CTNNA2: variants seen among roughly 807,000 people sequenced by gnomAD.
CTNNA2 encodes catenin alpha-2.
In CTNNA2, 42 loss-of-function variants were observed where a neutral mutation model predicts 101.0. The ratio of observed to expected loss-of-function variants is 0.42; its 90% CI spans 0.32 to 0.54. The LOEUF is 0.54. Ranked by LOEUF, CTNNA2 falls within the 20% of genes least tolerant of loss-of-function variation. CTNNA2 has a pLI of 0.14. For synonymous variants in CTNNA2, 450 were observed against 456.4 expected, an observed-to-expected ratio of 0.99 and a Z score of 0.18; for missense variants, 871 against 1,223.1, an observed-to-expected ratio of 0.71 and a Z score of 4.29.
chr2:79,786,582 C>T (rs574954785), intron 3 of CTNNA2, among the ~76,000 whole-genome samples: 2 of 151,954 alleles, frequency 1.3e-5, no homozygotes, highest in African/African-American at 4.8e-5. Flanking sequence ...TTAATTATAA[C>T]GATAGTAGAC....
At chr2:79,575,304 T>C (rs577923440) in intron 1 of CTNNA2, 1 of 152,306 alleles carries the variant, frequency 6.6e-6, no homozygotes, top group East Asian at 1.9e-4. Context: ...AGCAGAAAGA[T>C]GTTATAAACA....
chr2:79,214,373 G>A (rs954962795), intron 2 of CTNNA2, among the ~76,000 whole-genome samples: 1 of 152,070 alleles, frequency 6.6e-6, no homozygotes, highest in South Asian at 2.1e-4. Context: ...AGGTATTGAG[G>A]ATATGAGAGT....
At chr2:80,021,692 A>G (rs1324871850) in intron 7 of CTNNA2, among the ~76,000 whole-genome samples, 2 of 151,964 alleles carry the variant, frequency 1.3e-5, no homozygotes, top group African/African-American at 4.9e-5. Context: ...TAATGAACAT[A>G]TGCATTGCCT....
At chr2:79,415,187 A>T (rs992100033) in intron 4 of CTNNA2, among the ~76,000 whole-genome samples, 1 of 152,064 alleles carries the variant, frequency 6.6e-6, no homozygotes, top group Non-Finnish European at 1.5e-5. Context: ...GTTATGAGTG[A>T]GTTCTCTCTG....
At chr2:80,237,111 G>T (rs1400041734) in intron 7 of CTNNA2, among the ~76,000 whole-genome samples, 1 of 152,090 alleles carries the variant, frequency 6.6e-6, no homozygotes, top group Non-Finnish European at 1.5e-5. Context: ...CCTTAGATCA[G>T]AAAACACAGC....
chr2:79,479,832 A>C (rs1671089651), intron 4 of CTNNA2, among the ~76,000 whole-genome samples: 1 of 152,104 alleles, frequency 6.6e-6, no homozygotes, highest in African/African-American at 2.4e-5. Flanking sequence ...CTGAGGCAGG[A>C]GAATCGCTTG....
At chr2:79,206,941 GTT>G (rs1001559791) in intron 2 of CTNNA2, among the ~76,000 whole-genome samples, 1 of 152,140 alleles carries the variant, frequency 6.6e-6, no homozygotes, top group Non-Finnish European at 1.5e-5. Flanking sequence ...GCTGAGTTGT[GTT>G]TTCTCTTCTT....
intron 7 of CTNNA2, among the ~76,000 whole-genome samples, chr2:80,134,830 T>C (rs1702604321): frequency 6.6e-6 from 1 of 152,214 alleles, no homozygotes; most frequent in Non-Finnish European, 1.5e-5. Context: ...GATTTTCCAT[T>C]TGCACAATTT....
chr2:79,304,750 T>C (rs1240837094), intron 2 of CTNNA2, among the ~76,000 whole-genome samples: 1 of 152,132 alleles, frequency 6.6e-6, no homozygotes, highest in Non-Finnish European at 1.5e-5. Flanking sequence ...GGAGTAAACT[T>C]TGGGTAACCA....
chr2:79,754,154 A>C (rs1025933633), intron 3 of CTNNA2, among the ~76,000 whole-genome samples: 2 of 152,162 alleles, frequency 1.3e-5, no homozygotes, highest in Non-Finnish European at 2.9e-5. Context: ...GGCCTCAGCC[A>C]CTGTGCCTGG....
intron 2 of CTNNA2, among the ~76,000 whole-genome samples, chr2:79,236,958 T>G (rs1674565181): frequency 1.3e-5 from 2 of 152,304 alleles, no homozygotes; most frequent in Admixed American, 1.3e-4. Context: ...TCTTTCAAAT[T>G]CCTATGAATG....
At chr2:80,072,032 A>G (rs897571779) in intron 7 of CTNNA2, among the ~76,000 whole-genome samples, 2 of 152,214 alleles carry the variant, frequency 1.3e-5, no homozygotes, top group African/African-American at 4.8e-5. Context: ...GACCCTTTTC[A>G]GAGTCATGCA....
chr2:80,245,522 A>G (rs921268231), intron 7 of CTNNA2, among the ~76,000 whole-genome samples: 4 of 152,162 alleles, frequency 2.6e-5, no homozygotes, highest in Non-Finnish European at 4.4e-5. Flanking sequence ...TCCCACAGAT[A>G]CATCAATTTC....
chr2:79,685,985 A>G (rs1019624260), intron 2 of CTNNA2, among the ~76,000 whole-genome samples: 3 of 152,180 alleles, frequency 2.0e-5, no homozygotes, highest in Non-Finnish European at 2.9e-5. Context: ...TTGGAAGGCA[A>G]GATGAGAGGA....
In CTNNA2 at chr2:79,903,908, A is replaced by G. The variant is rs13414297; in HGVS notation, c.853-5686A>G. On this transcript the variant is annotated intron_variant, in intron 6 of 18. Coordinates refer to ENST00000402739, the MANE Select transcript of CTNNA2 (RefSeq NM_001282597.3). The stretch of plus-strand genomic sequence containing the variant: ...GAGACTGCAGTAGAACTACAGGTGC[A>G]GCAGATGGAGATGGTCAGTTAACTA... 4.5e-3 allele frequency among the ~76,000 whole-genome samples: 685 copies of G among 152,348 alleles called. 7 individuals carry two copies. The highest frequency in any genetic ancestry group is 0.015 in the African/African-American group (629 of 41,584).
intron 12 of CTNNA2, among the ~76,000 whole-genome samples, chr2:80,566,425 G>A (rs770534307): frequency 6.6e-6 from 1 of 152,176 alleles, no homozygotes; most frequent in Non-Finnish European, 1.5e-5. Flanking sequence ...AGAGGCATCT[G>A]TCACACATAC....
At chr2:79,469,364 C>A (rs1483801609) in intron 4 of CTNNA2, among the ~76,000 whole-genome samples, 5 of 152,072 alleles carry the variant, frequency 3.3e-5, no homozygotes, top group Admixed American at 6.6e-5. Context: ...CAATAACAGG[C>A]TCTGAAATTG....
chr2:80,195,044 A>G lies in CTNNA2; in HGVS notation c.1057-198167A>G, dbSNP rs191987512. 6.6e-5 allele frequency among the ~76,000 whole-genome samples: 10 copies of G among 152,284 alleles called. No individual in the cohort carries two copies. In the East Asian group the frequency reaches 1.5e-3, roughly 24 times the overall value. ...TAATTTCCTTGAGAACAAGAGCTTT[A>G]TCTAGTTTTCATTCCTTGCAGCAAC... On this transcript the variant is annotated intron_variant, in intron 7 of 18. Coordinates refer to ENST00000402739, the MANE Select transcript of CTNNA2 (RefSeq NM_001282597.3).
At chr2:80,636,441 G>A (rs1230535342) in intron 18 of CTNNA2, among the ~76,000 whole-genome samples, 3 of 152,066 alleles carry the variant, frequency 2.0e-5, no homozygotes, top group Non-Finnish European at 2.9e-5. Context: ...CAGAGCTTTG[G>A]GAGATTTGGC....
Sources: gnomAD v4.1 joint callset for allele counts (sites outside exome capture counted in the v4.1 genomes callset) on GRCh38, gnomAD v4.1.1 for gene constraint, MANE v1.5 for transcripts, NCBI Gene and HGNC (gene_info 2026-07-23, HGNC 2026-07-21) for gene names.